The following ACTN4 variants were observed in gnomAD, a reference collection of about 807,000 sequenced individuals.
ACTN4 encodes actinin alpha 4.
ACTN4 carries 18 observed loss-of-function variants against 114.2 expected under a neutral mutation model. That is an observed-to-expected ratio of 0.16 (90% CI 0.11 to 0.23). The LOEUF (loss-of-function observed/expected upper bound fraction) is 0.23, where lower values mean the gene tolerates loss of function less well. ACTN4 is among the 10% of genes least tolerant of loss of function. The pLI, the probability that ACTN4 is intolerant of heterozygous loss-of-function variation, is 1.00. For missense variants in ACTN4, 722 were observed against 1,262.9 expected, an observed-to-expected ratio of 0.57 and a Z score of 6.49; for synonymous variants, 515 against 506.3, an observed-to-expected ratio of 1.02 and a Z score of -0.23.
At chr19:38,706,751 G>C (rs1772467132) in intron 5 of ACTN4, among the ~76,000 whole-genome samples, 1 of 152,184 alleles carries the variant, frequency 6.6e-6, no homozygotes, top group Non-Finnish European at 1.5e-5. Flanking sequence ...GCTCAGGAGT[G>C]AATTGTTTTT....
intron 1 of ACTN4, among the ~76,000 whole-genome samples, chr19:38,661,814 G>A (rs756087446): frequency 5.9e-5 from 9 of 152,070 alleles, no homozygotes; most frequent in African/African-American, 1.9e-4. Context: ...CACCATGCCC[G>A]GCTAATTTTT....
intron 1 of ACTN4, among the ~76,000 whole-genome samples, chr19:38,692,289 G>T (rs1967956217): frequency 6.6e-6 from 1 of 152,270 alleles, no homozygotes; most frequent in Non-Finnish European, 1.5e-5. Context: ...GCTGCCCCGT[G>T]TGTCGCTGAA....
rs921750921 is a variant in ACTN4, at chr19:38,729,594, CTCTT to C, written c.*164_*167del. 50 of 1,054,238 alleles carry C rather than the reference CTCTT, an allele frequency of 4.7e-5. No individual in the cohort carries two copies. The highest frequency in any genetic ancestry group is 6.1e-5 in the Non-Finnish European group (43 of 708,234). 65.3% of individuals were successfully genotyped at this position (1,054,238 alleles called of 1,614,324 possible). On this transcript the variant is annotated 3_prime_UTR_variant, in exon 21 of 21. Coordinates refer to ENST00000252699, the MANE Select transcript of ACTN4 (RefSeq NM_004924.6). ...GGCTGGGGCAGGCTCTCTCCTCTCTCTCTTTGTGGGTTGGCCAGGAGGTTCCCCC... is the reference window on the plus strand; with the variant it reads ...GGCTGGGGCAGGCTCTCTCCTCTCTCTGTGGGTTGGCCAGGAGGTTCCCCC...
chr19:38,723,941 C>T lies in ACTN4; in HGVS notation c.1556C>T (p.Thr519Ile). 1.2e-6 allele frequency: 2 copies of T among 1,612,062 alleles called. No individual in the cohort carries two copies. Among genetic ancestry groups the T allele is most frequent in the South Asian group, 1.1e-5 (1 of 91,036 alleles). ...CCCTTCCCTCCCACACACTAGAAAACAGAGAAGCAGCTGGAGGCCATCGAC... is the reference window on the plus strand; with the variant it reads ...CCCTTCCCTCCCACACACTAGAAAATAGAGAAGCAGCTGGAGGCCATCGAC... ...THSRREALEKTEKQLEAIDQL... is the reference protein window; with the variant it reads ...THSRREALEKIEKQLEAIDQL... Residue 519 changes from threonine to isoleucine, a missense_variant, in exon 14 of 21, where the codon ACA (threonine) becomes ATA (isoleucine). Thr to Ile is a moderately conservative substitution (Grantham distance 89, BLOSUM62 -1). Around this residue, in one of 3 missense-constraint regions of ACTN4, gnomAD observed 523 missense variants for 875.9 expected, o/e 0.60. Coordinates refer to ENST00000252699, the MANE Select transcript of ACTN4 (RefSeq NM_004924.6).
intron 9 of ACTN4, among the ~76,000 whole-genome samples, chr19:38,714,970 T>C (rs1968791729): frequency 6.6e-6 from 1 of 152,132 alleles, no homozygotes; most frequent in Non-Finnish European, 1.5e-5. Context: ...TGCAGGTGCT[T>C]AACGAGCAGC....
chr19:38,706,823 GCCTCA>G (rs1049179796), intron 5 of ACTN4, among the ~76,000 whole-genome samples: 1 of 152,232 alleles, frequency 6.6e-6, no homozygotes, highest in Admixed American at 6.5e-5. Flanking sequence ...AGATGAACAA[GCCTCA>G]GCTCCACCAT....
chr19:38,664,362 CCCCA>C (rs1319030861), intron 1 of ACTN4, among the ~76,000 whole-genome samples: 1 of 152,058 alleles, frequency 6.6e-6, no homozygotes, highest in Non-Finnish European at 1.5e-5. Flanking sequence ...ATATTGCCTT[CCCCA>C]CACCGACAAA....
chr19:38,680,212 GTTTTTTTTTTTTTTTTT>G (rs75920199), intron 1 of ACTN4, among the ~76,000 whole-genome samples: 10 of 124,342 alleles, frequency 8.0e-5, no homozygotes, highest in East Asian at 2.7e-4. Context: ...AGCTCAGGAA[GTTTTTTTTTTTTTTTTT>G]TTTTTTTTTT....
rs757500483 is a variant in ACTN4 at position 38,721,561 on chromosome 19, C to T, written c.1315C>T (p.Arg439Trp). 6 of 1,613,870 alleles carry T rather than the reference C, an allele frequency of 3.7e-6. No homozygotes were observed. The highest frequency in any genetic ancestry group is 3.3e-5 in the Admixed American group (2 of 60,006). ...AGGGAAGGAAGCCATGCTGAAGCAC[C>T]GGGACTACGAGACGGCCACACTATC... is the stretch of plus-strand genomic sequence containing the variant. ...TDGKEAMLKH[R>W]DYETATLSDI... The change falls in exon 12 of 21, where the codon CGG (arginine) becomes TGG (tryptophan). Residue 439 changes from arginine (R) to tryptophan (W), a missense_variant. Physicochemically the swap from Arg to Trp is moderately radical, Grantham distance 101. Coordinates refer to ENST00000252699, the MANE Select transcript of ACTN4 (RefSeq NM_004924.6).
At chr19:38,651,119 G>A (rs183628763) in intron 1 of ACTN4, among the ~76,000 whole-genome samples, 1 of 152,222 alleles carries the variant, frequency 6.6e-6, no homozygotes, top group African/African-American at 2.4e-5. Flanking sequence ...CACTGGGCAC[G>A]GGAAGAATGA....
At chr19:38,666,079 G>A (rs1289924287) in intron 1 of ACTN4, among the ~76,000 whole-genome samples, 1 of 152,138 alleles carries the variant, frequency 6.6e-6, no homozygotes, top group Non-Finnish European at 1.5e-5. Flanking sequence ...ACTTTCTAGA[G>A]GGCTTGGAGG....
chr19:38,695,590 G>A lies in ACTN4; in HGVS notation c.163-5010G>A, dbSNP rs577875456. ...CCTTGTCCCCTTCGGCTCTTTCCCT[G>A]CATGGCAGGGACAGCATGACCGTTT... On this transcript the variant is annotated intron_variant, in intron 1 of 20. Transcript: ENST00000252699. Among the ~76,000 whole-genome samples the A allele has an allele frequency of 3.9e-5, 6 of 152,094 alleles. No individual in the cohort carries two copies. In the East Asian group the frequency reaches 7.7e-4, roughly 20 times the overall value.
intron 1 of ACTN4, among the ~76,000 whole-genome samples, chr19:38,680,440 A>C (rs1401556003): frequency 6.6e-5 from 10 of 152,002 alleles, no homozygotes; most frequent in Non-Finnish European, 1.5e-4. Context: ...TTTGGCTCCC[A>C]GATTGCTGGG....
At chr19:38,688,561 A>T (rs929157389) in intron 1 of ACTN4, among the ~76,000 whole-genome samples, 4 of 151,970 alleles carry the variant, frequency 2.6e-5, no homozygotes, top group Admixed American at 1.3e-4. Flanking sequence ...ACAGGGTGAG[A>T]CCCTGTCTCT....
intron 1 of ACTN4, among the ~76,000 whole-genome samples, chr19:38,687,920 A>G (rs142194887): frequency 7.0e-4 from 107 of 152,370 alleles, no homozygotes; most frequent in Non-Finnish European, 1.4e-3. Context: ...CAACAGTAAA[A>G]AGACACACCA....
intron 12 of ACTN4, 72 bp from the exon 13 acceptor site, chr19:38,723,542 G>T: frequency 3.5e-6 from 4 of 1,158,872 alleles, no homozygotes; most frequent in South Asian, 1.3e-5. Flanking sequence ...TGGGAACCTT[G>T]GGGGTAGATG....
At chr19:38,688,410 A>C (rs1000742616) in intron 1 of ACTN4, among the ~76,000 whole-genome samples, 3 of 148,912 alleles carry the variant, frequency 2.0e-5, no homozygotes, top group African/African-American at 7.4e-5. Flanking sequence ...AAAAAAAAAA[A>C]ACCCACAAAA....
At chr19:38,709,279 A>G in intron 6 of ACTN4, 116 bp from the exon 7 acceptor site, 4 of 808,116 alleles carry the variant, frequency 4.9e-6, no homozygotes, top group Non-Finnish European at 8.9e-6. Context: ...AACTGCCTGA[A>G]GAAACCCCCA....
At chr19:38,662,133 A>T (rs1283082313) in intron 1 of ACTN4, among the ~76,000 whole-genome samples, 1 of 152,156 alleles carries the variant, frequency 6.6e-6, no homozygotes, top group Non-Finnish European at 1.5e-5. Flanking sequence ...TCTGTACCTC[A>T]CTGGAAACCA....
Sources: gnomAD v4.1 joint callset for allele counts (sites outside exome capture counted in the v4.1 genomes callset) on GRCh38, gnomAD v4.1.1 for gene constraint, gnomAD v4.1.1 regional missense constraint, MANE v1.5 for transcripts, NCBI Gene and HGNC (gene_info 2026-07-23, HGNC 2026-07-21) for gene names.